ESS2: variants seen among roughly 807,000 people sequenced by gnomAD.
ESS2 encodes the protein ess-2 spliceosome associated protein, also known as splicing factor ESS-2 homolog.
Under a neutral mutation model 52.0 loss-of-function variants are expected in ESS2, and 31 were observed. The observed-to-expected ratio is 0.60, with a 90% confidence interval of 0.45 to 0.81. The LOEUF (loss-of-function observed/expected upper bound fraction) is 0.81. Among genes scored for constraint, ESS2 ranks in the 30% least tolerant of loss-of-function variants. The probability of loss-of-function intolerance (pLI) is 0.00; values close to 1 mark genes in which losing one functional copy is unlikely to be tolerated. For missense variants in ESS2, 602 were observed against 637.2 expected (o/e 0.94, Z 0.59); for synonymous variants, 285 against 259.2 (o/e 1.10, Z -0.95).
chr22:19,143,065 C>A (rs542865534), intron 1 of ESS2, among the ~76,000 whole-genome samples, 171 bp from the exon 2 acceptor site: 2 of 152,014 alleles, frequency 1.3e-5, no homozygotes, highest in East Asian at 3.9e-4. Flanking sequence ...ATTAGCCGGG[C>A]GTGGTGGCAG....
chr22:19,143,213 A>AAAG (rs2083723445), intron 1 of ESS2, among the ~76,000 whole-genome samples: 3 of 151,134 alleles, frequency 2.0e-5, no homozygotes, highest in African/African-American at 7.3e-5. Flanking sequence ...AAAAAAAAAA[A>AAAG]AAAAAAAGAA....
At chr22:19,137,244 C>T (rs1269703001) in intron 8 of ESS2, 79 bp downstream of exon 8, 3 of 1,028,536 alleles carry the variant, frequency 2.9e-6, no homozygotes, top group Admixed American at 2.3e-5. Flanking sequence ...TCCCAGTGCT[C>T]AGTCCTGAGC....
chr22:19,144,201 C>T lies in ESS2; in HGVS notation c.135+305G>A, dbSNP rs1434699709. The stretch of plus-strand genomic sequence containing the variant: ...TTGCTGCCACCGCTCTTTAGAAAGC[C>T]CTCTTTGCCACCATCCTTCCAGTTT... On this transcript the variant is annotated intron_variant, in intron 1 of 9. Transcript: ENST00000252137. The T allele has an allele frequency of 6.1e-6, 7 of 1,148,422 alleles. No homozygotes were observed. The South Asian group carries it at 1.9e-4, about 31-fold the overall frequency. The allele number at this position is 1,148,422 out of a possible 1,614,324, so 71.1% of individuals were successfully genotyped here.
At chr22:19,143,066 G>A (rs1282478138) in intron 1 of ESS2, among the ~76,000 whole-genome samples, 172 bp from the exon 2 acceptor site, 4 of 152,118 alleles carry the variant, frequency 2.6e-5, no homozygotes, top group Middle Eastern at 3.4e-3. Flanking sequence ...TTAGCCGGGC[G>A]TGGTGGCAGG....
Position 19,132,254 on chromosome 22 carries a change from C to T in ESS2, c.*1942G>A, listed in dbSNP as rs1318887806. The T allele has an allele frequency of 1.2e-6, 2 of 1,612,236 alleles. No individual in the cohort carries two copies. Among genetic ancestry groups the T allele is most frequent in the Admixed American group, 3.3e-5 (2 of 59,992 alleles). On this transcript the variant is annotated 3_prime_UTR_variant, in exon 10 of 10. Transcript: ENST00000252137. This position sits in a 1 kb window ranked among gnomAD's most constrained non-coding sequence, Gnocchi z 4.2. ...CCAAAGCCACGTCTTCTGCCTCCTTCAAGAGGGAGGGGGAGGGCAAGTACC... is the reference window on the plus strand; with the variant it reads ...CCAAAGCCACGTCTTCTGCCTCCTTTAAGAGGGAGGGGGAGGGCAAGTACC...
intron 7 of ESS2, 100 bp from the exon 8 acceptor site, chr22:19,137,532 C>A: frequency 9.9e-7 from 1 of 1,009,624 alleles, no homozygotes; most frequent in Non-Finnish European, 1.5e-6. Flanking sequence ...CCAGCTAATA[C>A]GAAGGCAGGC....
chr22:19,139,350 T>C (rs1397191518), intron 5 of ESS2, 58 bp from the exon 6 acceptor site: 9 of 1,511,440 alleles, frequency 6.0e-6, no homozygotes, highest in African/African-American at 2.8e-5. Flanking sequence ...CTAAGGAGCA[T>C]GAGGAGCTCG....
rs146810069 is a variant in ESS2 at position 19,132,380 on chromosome 22, C to G, written c.*1816G>C. The stretch of plus-strand genomic sequence containing the variant: ...CCCAGCACCGGCTGCTGGTGGTGCC[C>G]GAGAACGAGAACAGGATGGAGGACA... On this transcript the variant is annotated 3_prime_UTR_variant, in exon 10 of 10. Coordinates refer to ENST00000252137, the MANE Select transcript of ESS2 (RefSeq NM_022719.3). This position sits in a 1 kb window ranked among gnomAD's most constrained non-coding sequence, Gnocchi z 4.2. 6.2e-7 allele frequency: 1 copy of G among 1,613,072 alleles called. No individual in the cohort carries two copies.
intron 1 of ESS2, chr22:19,144,235 C>A (rs1012485554): frequency 8.1e-7 from 1 of 1,239,146 alleles, no homozygotes; most frequent in African/African-American, 1.6e-5. Flanking sequence ...TTGTCAAACT[C>A]CTACTCACAC....
In ESS2 at chr22:19,131,162, C is replaced by T. The variant is rs1013957092; in HGVS notation, c.*3034G>A. On this transcript the variant is annotated 3_prime_UTR_variant, in exon 10 of 10. Transcript: ENST00000252137. This position sits in a 1 kb window ranked among gnomAD's most constrained non-coding sequence, Gnocchi z 5.7. Reference sequence around the variant, plus strand: ...GGGTGCTCCTGCCAGACCAGCCTGGCTTCCACGGTTCCAGAGACCCTGTTC... The same window carrying T: ...GGGTGCTCCTGCCAGACCAGCCTGGTTTCCACGGTTCCAGAGACCCTGTTC... 1.0e-5 allele frequency: 5 copies of T among 499,196 alleles called. No individual in the cohort carries two copies. Among genetic ancestry groups the T allele is most frequent in the African/African-American group, 7.7e-5 (4 of 51,972 alleles). 30.9% of individuals were successfully genotyped at this position (499,196 alleles called of 1,614,324 possible).
rs2083501613 is a variant in ESS2 at position 19,131,125 on chromosome 22, C to T, written c.*3071G>A. 4.8e-6 allele frequency: 2 copies of T among 413,622 alleles called. No homozygotes were observed. The highest frequency in any genetic ancestry group is 4.4e-6 in the Non-Finnish European group (1 of 228,902). 25.6% of individuals were successfully genotyped at this position (413,622 alleles called of 1,614,324 possible). On this transcript the variant is annotated 3_prime_UTR_variant, in exon 10 of 10. Coordinates refer to ENST00000252137, the MANE Select transcript of ESS2 (RefSeq NM_022719.3). This position sits in a 1 kb window ranked among gnomAD's most constrained non-coding sequence, Gnocchi z 5.7. ...GTCCTGGGGACAGGCTTCCTTCCAGCGGGCGGGGAGTGGGTGCTCCTGCCA... is the reference window on the plus strand; with the variant it reads ...GTCCTGGGGACAGGCTTCCTTCCAGTGGGCGGGGAGTGGGTGCTCCTGCCA...
chr22:19,136,207 C>A (rs909648407), intron 8 of ESS2, among the ~76,000 whole-genome samples: 5 of 151,954 alleles, frequency 3.3e-5, no homozygotes, highest in African/African-American at 1.2e-4. Context: ...ACTAAAAATA[C>A]AAAAATAAGC....
chr22:19,138,296 G>T lies in ESS2; in HGVS notation c.844C>A (p.Pro282Thr). The change falls in exon 7 of 10, where the codon CCC becomes ACC. Residue 282 changes from proline to threonine, a missense_variant. Physicochemically the swap from Pro to Thr is conservative, Grantham distance 38. Transcript: ENST00000252137. Reference sequence around the variant, plus strand: ...TGGGGGATCAGCTCCTTGCCATCGGGGCCCACCTTGCCCTGTTTGTGCTGG... The same window carrying T: ...TGGGGGATCAGCTCCTTGCCATCGGTGCCCACCTTGCCCTGTTTGTGCTGG... ...NAQHKQGKVG[P>T]DGKELIPQES... 1 of 1,613,860 alleles carries T rather than the reference G, an allele frequency of 6.2e-7. No homozygotes were observed. The highest frequency in any genetic ancestry group is 1.1e-5 in the South Asian group (1 of 91,072).
At position 19,130,587 on chromosome 22, in the gene ESS2, C is replaced by T; in HGVS notation, c.*3609G>A. On this transcript the variant is annotated 3_prime_UTR_variant, in exon 10 of 10. Coordinates refer to ENST00000252137, the MANE Select transcript of ESS2 (RefSeq NM_022719.3). ...TTTACAGCTTGGTCCAGAGAGCTGC[C>T]TTAGACTATCCAATTGATCTATTCA... The T allele has an allele frequency of 2.4e-6, 1 of 420,118 alleles. No homozygotes were observed. Among genetic ancestry groups the T allele is most frequent in the South Asian group, 1.9e-5 (1 of 53,470 alleles). The allele number at this position is 420,118 out of a possible 1,614,324, so 26.0% of individuals were successfully genotyped here. A position where few individuals can be genotyped will look rare whatever the true frequency, so the allele number is the denominator to read the frequency against.
chr22:19,138,752 G>A (rs563287736), intron 6 of ESS2, among the ~76,000 whole-genome samples: 12 of 152,286 alleles, frequency 7.9e-5, no homozygotes, highest in South Asian at 2.1e-4. Context: ...GTATCTACTC[G>A]TCTTGCTCCC....
At chr22:19,144,175 C>A in intron 1 of ESS2, 2 of 1,104,818 alleles carry the variant, frequency 1.8e-6, no homozygotes, top group Non-Finnish European at 1.1e-6. Flanking sequence ...AGCATTCACA[C>A]TTGCTGCCAC....
intron 8 of ESS2, among the ~76,000 whole-genome samples, chr22:19,135,502 C>T (rs1015535813): frequency 4.6e-5 from 7 of 152,218 alleles, no homozygotes; most frequent in Non-Finnish European, 1.0e-4. Flanking sequence ...TCGGGCGCTT[C>T]CCCGTGTGCC....
chr22:19,132,280 G>A lies in ESS2; in HGVS notation c.*1916C>T, dbSNP rs776300390. ...AAGAGGGAGGGGGAGGGCAAGTACC[G>A]CGCTGAGTGCAAACTGGACACCAAG... On this transcript the variant is annotated 3_prime_UTR_variant, in exon 10 of 10. Coordinates refer to ENST00000252137, the MANE Select transcript of ESS2 (RefSeq NM_022719.3). This position sits in a 1 kb window ranked among gnomAD's most constrained non-coding sequence, Gnocchi z 4.2. 77 of 1,613,342 alleles carry A rather than the reference G, an allele frequency of 4.8e-5. No individual in the cohort carries two copies. The highest frequency in any genetic ancestry group is 5.7e-5 in the Non-Finnish European group (67 of 1,179,964).
chr22:19,144,253 G>T, intron 1 of ESS2: 1 of 1,274,546 alleles, frequency 7.8e-7, no homozygotes, highest in South Asian at 2.2e-5. Context: ...CACTTTAACA[G>T]AAAATCTTCT....
Sources: gnomAD v4.1 joint callset for allele counts (sites outside exome capture counted in the v4.1 genomes callset) on GRCh38, gnomAD v4.1.1 for gene constraint, Gnocchi (gnomAD v3.1) non-coding constraint, MANE v1.5 for transcripts, NCBI Gene and HGNC (gene_info 2026-07-23, HGNC 2026-07-21) for gene names.